The following SGTA variants were observed in gnomAD, a reference collection of about 807,000 sequenced individuals.
SGTA encodes the protein small glutamine rich tetratricopeptide repeat co-chaperone alpha, also known as small glutamine-rich tetratricopeptide repeat-containing protein alpha.
In SGTA, 22 loss-of-function variants were observed where a neutral mutation model predicts 44.3. The observed-to-expected ratio is 0.50, with a 90% CI of 0.36 to 0.71. The LOEUF (loss-of-function observed/expected upper bound fraction) is 0.71, where lower values mean the gene tolerates loss of function less well. SGTA is among the 30% of genes least tolerant of loss of function. The probability of loss-of-function intolerance (pLI) is 0.00; values close to 1 mark genes in which losing one functional copy is unlikely to be tolerated. For synonymous variants in SGTA, 174 were observed against 177.6 expected (o/e 0.98, Z 0.16); for missense variants, 341 against 435.9 (o/e 0.78, Z 1.94).
Position 2,757,870 on chromosome 19 carries a change from C to G in SGTA, c.738-88G>C, listed in dbSNP as rs943411108. On this transcript the variant is annotated intron_variant, in intron 9 of 11. Transcript: ENST00000221566. ...CTCGCAGTGGCCCGGGAGAGAATCCCTCTCAGCCCTTCACCTTCCCCTGCA... is the reference window on the plus strand; with the variant it reads ...CTCGCAGTGGCCCGGGAGAGAATCCGTCTCAGCCCTTCACCTTCCCCTGCA... 7 of 866,702 alleles carry G rather than the reference C, an allele frequency of 8.1e-6. No homozygotes were observed. The South Asian group carries it at 1.4e-4, about 17-fold the overall frequency. 53.7% of individuals were successfully genotyped at this position (866,702 alleles called of 1,614,324 possible).
intron 1 of SGTA, among the ~76,000 whole-genome samples, chr19:2,774,962 G>T (rs573971162): frequency 2.6e-5 from 4 of 152,186 alleles, no homozygotes; most frequent in Admixed American, 2.0e-4. Context: ...CACATGGAGT[G>T]GGGGGAGGCC....
chr19:2,760,790 G>A (rs1161439330), intron 8 of SGTA, among the ~76,000 whole-genome samples: 1 of 152,148 alleles, frequency 6.6e-6, no homozygotes, highest in Non-Finnish European at 1.5e-5. Context: ...TGGCCCAGCT[G>A]GCTCATTTTT....
intron 1 of SGTA, among the ~76,000 whole-genome samples, chr19:2,781,114 G>C (rs1013918245): frequency 1.3e-5 from 2 of 152,136 alleles, no homozygotes; most frequent in Non-Finnish European, 2.9e-5. Context: ...AGCCTGTACT[G>C]AGCACTTCCT....
chr19:2,767,816 G>A lies in SGTA; in HGVS notation c.101-130C>T. ...ATTCCCAAGGACCCCAGAACGCAGG[G>A]GCCGCCGCCTGTGCTCTGGGCTGGG... On this transcript the variant is annotated intron_variant, in intron 2 of 11. Transcript: ENST00000221566. The surrounding 1 kb of genome is among the most constrained non-coding windows in gnomAD (Gnocchi z 7.3). 1 of 701,396 alleles carries A rather than the reference G, an allele frequency of 1.4e-6. No individual in the cohort carries two copies. Among genetic ancestry groups the A allele is most frequent in the Non-Finnish European group, 2.5e-6 (1 of 392,928 alleles). The allele number at this position is 701,396 out of a possible 1,614,324, so 43.4% of individuals were successfully genotyped here. A position where few individuals can be genotyped will look rare whatever the true frequency, so the allele number is the denominator to read the frequency against.
rs796756989 is a variant in SGTA, at chr19:2,771,578, G to C, written c.-23-2487C>G. ...GATGGCGACAGCACCTCCCCATCGG[G>C]GGGGGGGGGAGGGGTACGAGACCAG... On this transcript the variant is annotated intron_variant, in intron 1 of 11. Coordinates refer to ENST00000221566, the MANE Select transcript of SGTA (RefSeq NM_003021.4). Among the ~76,000 whole-genome samples the C allele has an allele frequency of 2.6e-4, 38 of 147,242 alleles. 1 individual carries two copies. In the East Asian group the frequency reaches 6.2e-3, roughly 24 times the overall value.
At chr19:2,756,986 CAA>C (rs1914836893) in intron 11 of SGTA, among the ~76,000 whole-genome samples, 1 of 152,210 alleles carries the variant, frequency 6.6e-6, no homozygotes, top group Non-Finnish European at 1.5e-5. Flanking sequence ...ACTGCAGAAA[CAA>C]AGAGCTTCTG....
chr19:2,760,510 T>C (rs1599497226), intron 8 of SGTA, among the ~76,000 whole-genome samples: 1 of 98,414 alleles, frequency 1.0e-5, no homozygotes, highest in African/African-American at 4.7e-5. Flanking sequence ...AGAGCGAGAC[T>C]CCATCTCAAA....
chr19:2,768,299 G>T (rs1248880607), intron 2 of SGTA, among the ~76,000 whole-genome samples: 1 of 152,134 alleles, frequency 6.6e-6, no homozygotes, highest in South Asian at 2.1e-4. Flanking sequence ...CAGAAGTGGG[G>T]GTCAGCCACT....
intron 11 of SGTA, among the ~76,000 whole-genome samples, chr19:2,756,212 A>C (rs1215854883): frequency 6.6e-6 from 1 of 152,116 alleles, no homozygotes; most frequent in African/African-American, 2.4e-5. Flanking sequence ...TCAACTATTA[A>C]AAAAAGAAAA....
chr19:2,765,096 G>T lies in SGTA; in HGVS notation c.392+90C>A. The T allele has an allele frequency of 1.2e-6, 1 of 864,286 alleles. No individual in the cohort carries two copies. Among genetic ancestry groups the T allele is most frequent in the Non-Finnish European group, 1.9e-6 (1 of 513,346 alleles). The allele number at this position is 864,286 out of a possible 1,614,324, so 53.5% of individuals were successfully genotyped here. A position where few individuals can be genotyped will look rare whatever the true frequency, so the allele number is the denominator to read the frequency against. ...ATGGATCCCTCATCTACAGCGCAGA[G>T]GCCTCTCCCATCTCAGGTCCCTGCT... On this transcript the variant is annotated intron_variant, in intron 5 of 11. Transcript: ENST00000221566. The surrounding 1 kb of genome is among the most constrained non-coding windows in gnomAD (Gnocchi z 5.5).
At position 2,760,752 on chromosome 19, in the gene SGTA, C is replaced by T. The variant is rs145011223; in HGVS notation, c.699+708G>A. On this transcript the variant is annotated intron_variant, in intron 8 of 11. Coordinates refer to ENST00000221566, the MANE Select transcript of SGTA (RefSeq NM_003021.4). ...GCTACAGTAAGAGGTGTGGCCTCTGCTGAATGGCACGACCCGGGCAGGGCT... is the reference window on the plus strand; with the variant it reads ...GCTACAGTAAGAGGTGTGGCCTCTGTTGAATGGCACGACCCGGGCAGGGCT... 3.2e-3 allele frequency among the ~76,000 whole-genome samples: 481 copies of T among 152,228 alleles called. 4 individuals are homozygous for T. The highest frequency in any genetic ancestry group is 0.011 in the African/African-American group (462 of 41,556).
chr19:2,763,826 A>T lies in SGTA; in HGVS notation c.393-69T>A, dbSNP rs1915069836. 2.0e-5 allele frequency: 25 copies of T among 1,240,744 alleles called. No individual in the cohort carries two copies. Among genetic ancestry groups the T allele is most frequent in the Non-Finnish European group, 2.8e-5 (24 of 869,716 alleles). 76.9% of individuals were successfully genotyped at this position (1,240,744 alleles called of 1,614,324 possible). On this transcript the variant is annotated intron_variant, in intron 5 of 11. Transcript: ENST00000221566. This position sits in a 1 kb window ranked among gnomAD's most constrained non-coding sequence, Gnocchi z 5.8. ...AGCCCAGCGGGCAGCCCTTGAGGGG[A>T]GCCTGAGAGCTGCGTTCCTCTCCAA... is the stretch of plus-strand genomic sequence containing the variant.
In SGTA at chr19:2,767,359, C is replaced by G; in HGVS notation, c.208-139G>C. On this transcript the variant is annotated intron_variant, in intron 3 of 11. Transcript: ENST00000221566. This position sits in a 1 kb window ranked among gnomAD's most constrained non-coding sequence, Gnocchi z 7.3. ...GCTCTGCAGGGGACTCCTGGCCCCCCATCATGTGGCCCTGGGCGAGTGACC... is the reference window on the plus strand; with the variant it reads ...GCTCTGCAGGGGACTCCTGGCCCCCGATCATGTGGCCCTGGGCGAGTGACC... 1 of 741,604 alleles carries G rather than the reference C, an allele frequency of 1.3e-6. No homozygotes were observed. Among genetic ancestry groups the G allele is most frequent in the Middle Eastern group, 3.8e-4 (1 of 2,600 alleles). The allele number at this position is 741,604 out of a possible 1,614,324, so 45.9% of individuals were successfully genotyped here.
intron 11 of SGTA, 78 bp downstream of exon 11, chr19:2,757,259 T>A (rs555688779): frequency 1.3e-6 from 2 of 1,527,640 alleles, no homozygotes; most frequent in African/African-American, 2.7e-5. Context: ...TCACTCCTGC[T>A]GGCTGCCCTC....
At chr19:2,771,834 G>A (rs143030375) in intron 1 of SGTA, among the ~76,000 whole-genome samples, 41 of 152,358 alleles carry the variant, frequency 2.7e-4, no homozygotes, top group East Asian at 1.7e-3. Context: ...GGCCCTGGCC[G>A]TGGGATGGGA....
In SGTA at chr19:2,767,797, A is replaced by G. The variant is rs945296935; in HGVS notation, c.101-111T>C. 2 of 800,126 alleles carry G rather than the reference A, an allele frequency of 2.5e-6. No homozygotes were observed. The highest frequency in any genetic ancestry group is 4.3e-6 in the Non-Finnish European group (2 of 468,098). 49.6% of individuals were successfully genotyped at this position (800,126 alleles called of 1,614,324 possible). A position where few individuals can be genotyped will look rare whatever the true frequency, so the allele number is the denominator to read the frequency against. On this transcript the variant is annotated intron_variant, in intron 2 of 11. Coordinates refer to ENST00000221566, the MANE Select transcript of SGTA (RefSeq NM_003021.4). This position sits in a 1 kb window ranked among gnomAD's most constrained non-coding sequence, Gnocchi z 7.3. ...TGCTTCCCCAGGTGTGTTCATTCCC[A>G]AGGACCCCAGAACGCAGGGGCCGCC...
rs777731670 is a variant in SGTA at position 2,755,716 on chromosome 19, C to T, written c.*224G>A. 37 of 985,362 alleles carry T rather than the reference C, an allele frequency of 3.8e-5. No homozygotes were observed. The highest frequency in any genetic ancestry group is 1.0e-3 in the Middle Eastern group (2 of 1,938). The allele number at this position is 985,362 out of a possible 1,614,324, so 61.0% of individuals were successfully genotyped here. ...GAGGTCGCTGCTGGTCTGTGCTCAG[C>T]TTGCTGGCTCTCGTTTCAAGAAGGG... On this transcript the variant is annotated 3_prime_UTR_variant, in exon 12 of 12. Transcript: ENST00000221566. This position sits in a 1 kb window ranked among gnomAD's most constrained non-coding sequence, Gnocchi z 5.2.
At chr19:2,779,614 G>T (rs1472252046) in intron 1 of SGTA, among the ~76,000 whole-genome samples, 1 of 152,248 alleles carries the variant, frequency 6.6e-6, no homozygotes, top group Admixed American at 6.5e-5. Context: ...CATGGCCGAG[G>T]CCTGGTTTCA....
chr19:2,767,240 C>T lies in SGTA; in HGVS notation c.208-20G>A, dbSNP rs576347745. The T allele has an allele frequency of 6.0e-5, 95 of 1,583,886 alleles. 1 individual carries two copies. Among genetic ancestry groups the T allele is most frequent in the South Asian group, 5.3e-4 (47 of 88,160 alleles). On this transcript the variant is annotated intron_variant, in intron 3 of 11. Coordinates refer to ENST00000221566, the MANE Select transcript of SGTA (RefSeq NM_003021.4). The surrounding 1 kb of genome is among the most constrained non-coding windows in gnomAD (Gnocchi z 7.3). ...CATCTCCTGGACCCGGAGGCAAAGG[C>T]GGCCCGCTGTCCTCTCCTCCCAACC...
Sources: allele counts gnomAD v4.1 joint callset (sites outside exome capture counted in the v4.1 genomes callset), GRCh38; gene constraint gnomAD v4.1.1; non-coding constraint Gnocchi (gnomAD v3.1); transcripts MANE v1.5; gene names NCBI Gene and HGNC (gene_info 2026-07-23, HGNC 2026-07-21).